The following NMBR variants were observed in gnomAD, a reference collection of about 807,000 sequenced individuals.
NMBR encodes neuromedin B receptor, also known as neuromedin-B receptor.
Under a neutral mutation model 20.5 loss-of-function variants are expected in NMBR, and 16 were observed. The observed-to-expected ratio is 0.78, with a 90% CI of 0.53 to 1.19. The LOEUF (loss-of-function observed/expected upper bound fraction) is 1.19, where lower values mean the gene tolerates loss of function less well. Ranked by LOEUF, NMBR falls within the 50% of genes most tolerant of loss-of-function variation. The pLI, the probability that NMBR is intolerant of heterozygous loss-of-function variation, is 0.00. For missense variants in NMBR, 582 were observed against 499.1 expected, an observed-to-expected ratio of 1.17 and a Z score of -1.58; for synonymous variants, 212 against 196.6, an observed-to-expected ratio of 1.08 and a Z score of -0.65.
chr6:142,095,713 T>G (rs908482442), intron 1 of NMBR, among the ~76,000 whole-genome samples: 2 of 152,196 alleles, frequency 1.3e-5, no homozygotes, highest in African/African-American at 4.8e-5. Context: ...ATTGGAATAG[T>G]TTCAGAAGGG....
chr6:142,088,964 G>T lies in NMBR; in HGVS notation c.-306C>A, dbSNP rs1041716373. ...TCCGTATTCAGTGGTTTGTTCTCGCGGTTATCTAGCGGAAAACAGCCTTTC... is the reference window on the plus strand; with the variant it reads ...TCCGTATTCAGTGGTTTGTTCTCGCTGTTATCTAGCGGAAAACAGCCTTTC... On this transcript the variant is annotated 5_prime_UTR_variant, in exon 2 of 4. Transcript: ENST00000258042. 6.6e-6 allele frequency among the ~76,000 whole-genome samples: 1 copy of T among 151,906 alleles called. No individual in the cohort carries two copies. The highest frequency in any genetic ancestry group is 1.5e-5 in the Non-Finnish European group (1 of 67,994).
Position 142,075,567 on chromosome 6 carries a change from G to C in NMBR, c.*81C>G. 1 of 1,353,424 alleles carries C rather than the reference G, an allele frequency of 7.4e-7. No homozygotes were observed. Among genetic ancestry groups the C allele is most frequent in the Non-Finnish European group, 1.0e-6 (1 of 998,838 alleles). 83.8% of individuals were successfully genotyped at this position (1,353,424 alleles called of 1,614,324 possible). On this transcript the variant is annotated 3_prime_UTR_variant, in exon 4 of 4. Coordinates refer to ENST00000258042, the MANE Select transcript of NMBR (RefSeq NM_002511.4). ...TGCAATTGCCTAATAAATTAGCTAAGCAACAGCAAGTTCTGATCTGCCGAA... is the reference window on the plus strand; with the variant it reads ...TGCAATTGCCTAATAAATTAGCTAACCAACAGCAAGTTCTGATCTGCCGAA...
In NMBR at chr6:142,075,823, C is replaced by G. The variant is rs1424895303; in HGVS notation, c.998G>C (p.Arg333Thr). The G allele has an allele frequency of 6.2e-7, 1 of 1,614,006 alleles. No homozygotes were observed. The highest frequency in any genetic ancestry group is 8.5e-7 in the Non-Finnish European group (1 of 1,179,960). ...ACAGCAGAGTTGGCTGTTGAAATGC[C>G]TCCTGAAGCTTTCACTGAGTAGGTA... is the stretch of plus-strand genomic sequence containing the variant. ...ALYLLSESFR[R>T]HFNSQLCCGR... is the part of the protein sequence containing the mutation. The change falls in exon 4 of 4, where the codon AGG (arginine) becomes ACG (threonine). Residue 333 changes from arginine (R) to threonine (T), a missense_variant. Arg to Thr is a moderately conservative substitution (Grantham distance 71). Transcript: ENST00000258042.
intron 1 of NMBR, among the ~76,000 whole-genome samples, chr6:142,092,044 T>G (rs1777334966): frequency 6.6e-6 from 1 of 152,116 alleles, no homozygotes; most frequent in South Asian, 2.1e-4. Context: ...TTATAGGTTT[T>G]TCTTAAGATC....
intron 1 of NMBR, among the ~76,000 whole-genome samples, chr6:142,124,297 T>C (rs893923148): frequency 2.0e-5 from 3 of 151,938 alleles, no homozygotes; most frequent in Admixed American, 1.3e-4. Flanking sequence ...AACCCAAGTT[T>C]ATACCTATTT....
At chr6:142,117,052 A>G (rs1777868208) in intron 1 of NMBR, among the ~76,000 whole-genome samples, 1 of 152,022 alleles carries the variant, frequency 6.6e-6, no homozygotes, top group South Asian at 2.1e-4. Context: ...TCCCAATAAC[A>G]TAAATAATAG....
At chr6:142,105,605 A>G (rs906722463) in intron 1 of NMBR, among the ~76,000 whole-genome samples, 15 of 152,108 alleles carry the variant, frequency 9.9e-5, no homozygotes, top group African/African-American at 3.6e-4. Flanking sequence ...ACATGCACAC[A>G]TTTTTATGCC....
intron 1 of NMBR, among the ~76,000 whole-genome samples, chr6:142,099,512 A>T (rs1023938670): frequency 6.6e-6 from 1 of 152,136 alleles, no homozygotes; most frequent in African/African-American, 2.4e-5. Flanking sequence ...TCATGAAAAC[A>T]ACAAGGGGGA....
At position 142,088,962 on chromosome 6, in the gene NMBR, G is replaced by C. The variant is rs1273896229; in HGVS notation, c.-304C>G. ...GTTCCGTATTCAGTGGTTTGTTCTC[G>C]CGGTTATCTAGCGGAAAACAGCCTT... On this transcript the variant is annotated 5_prime_UTR_variant, in exon 2 of 4. Coordinates refer to ENST00000258042, the MANE Select transcript of NMBR (RefSeq NM_002511.4). Among the ~76,000 whole-genome samples, 6 of 151,546 alleles carry C rather than the reference G, an allele frequency of 4.0e-5. No homozygotes were observed. Among genetic ancestry groups the C allele is most frequent in the Non-Finnish European group, 7.4e-5 (5 of 67,932 alleles).
chr6:142,108,770 G>A (rs527874270), intron 1 of NMBR, among the ~76,000 whole-genome samples: 66 of 152,122 alleles, frequency 4.3e-4, no homozygotes, highest in African/African-American at 1.6e-3. Flanking sequence ...TATCATGTCC[G>A]CACATTTCAA....
chr6:142,076,428 G>T (rs1776950680), intron 3 of NMBR, among the ~76,000 whole-genome samples: 1 of 152,046 alleles, frequency 6.6e-6, no homozygotes, highest in Non-Finnish European at 1.5e-5. Context: ...AAGCTTAGGT[G>T]TTTTAAAAAA....
intron 1 of NMBR, among the ~76,000 whole-genome samples, chr6:142,130,959 T>C (rs1200838888): frequency 1.3e-5 from 2 of 152,126 alleles, no homozygotes; most frequent in Admixed American, 6.6e-5. Context: ...ACAGGCAATA[T>C]TTTTCCTAGC....
intron 1 of NMBR, among the ~76,000 whole-genome samples, chr6:142,103,285 T>G (rs1777598247): frequency 6.6e-6 from 1 of 152,184 alleles, no homozygotes; most frequent in Admixed American, 6.5e-5. Flanking sequence ...GAGCTACTAT[T>G]ATAACAACAG....
intron 2 of NMBR, among the ~76,000 whole-genome samples, chr6:142,085,156 G>A (rs1777176464): frequency 6.6e-6 from 1 of 152,124 alleles, no homozygotes; most frequent in Non-Finnish European, 1.5e-5. Context: ...TGACTGCAGT[G>A]GGCACAAAAG....
chr6:142,076,881 A>C (rs1194689913), intron 3 of NMBR, among the ~76,000 whole-genome samples: 1 of 152,204 alleles, frequency 6.6e-6, no homozygotes, highest in Non-Finnish European at 1.5e-5. Context: ...TTTCTGAGTG[A>C]ATACTACTGG....
chr6:142,099,108 C>T (rs895351206), intron 1 of NMBR, among the ~76,000 whole-genome samples: 6 of 151,952 alleles, frequency 3.9e-5, no homozygotes, highest in South Asian at 2.1e-4. Flanking sequence ...TGTTCTCATG[C>T]GAAAGAAATG....
At chr6:142,124,992 A>G (rs1040136921) in intron 1 of NMBR, among the ~76,000 whole-genome samples, 1 of 151,910 alleles carries the variant, frequency 6.6e-6, no homozygotes, top group Non-Finnish European at 1.5e-5. Flanking sequence ...CTTTCTACTA[A>G]GCCATCCCCA....
At chr6:142,104,146 G>A (rs1418416391) in intron 1 of NMBR, among the ~76,000 whole-genome samples, 2 of 152,086 alleles carry the variant, frequency 1.3e-5, no homozygotes, top group South Asian at 2.1e-4. Flanking sequence ...CCAAAATGCT[G>A]GGTTTAGAGG....
intron 2 of NMBR, among the ~76,000 whole-genome samples, chr6:142,082,037 T>A (rs1777107821): frequency 6.6e-6 from 1 of 152,224 alleles, no homozygotes; most frequent in African/African-American, 2.4e-5. Context: ...TAATTAAGTT[T>A]AATCATAAAA....
Sources: gnomAD v4.1 joint callset for allele counts (sites outside exome capture counted in the v4.1 genomes callset) on GRCh38, gnomAD v4.1.1 for gene constraint, MANE v1.5 for transcripts, NCBI Gene and HGNC (gene_info 2026-07-23, HGNC 2026-07-21) for gene names.